The following MINK1 variants were observed in gnomAD, a reference collection of about 807,000 sequenced individuals.
MINK1 encodes the protein misshapen like kinase 1.
A neutral mutation model predicts 178.4 loss-of-function variants in MINK1; 46 were observed. The observed-to-expected ratio is 0.26, with a 90% CI of 0.20 to 0.33. The LOEUF (loss-of-function observed/expected upper bound fraction) is 0.33, where lower values mean the gene tolerates loss of function less well. MINK1 is among the 10% of genes least tolerant of loss of function. The pLI is 1.00. For synonymous variants in MINK1, 797 were observed against 709.7 expected (o/e 1.12, Z -1.96); for missense variants, 1,366 against 1,814.9 (o/e 0.75, Z 4.49).
intron 4 of MINK1, chr17:4,883,120 CAAA>C (rs778705532): frequency 8.8e-5 from 9 of 101,778 alleles, no homozygotes; most frequent in Non-Finnish European, 8.2e-5. Flanking sequence ...GACCCTGTCT[CAAA>C]AAAAAAAAAA....
chr17:4,835,354 C>T (rs746358117), intron 1 of MINK1, among the ~76,000 whole-genome samples: 23 of 152,106 alleles, frequency 1.5e-4, no homozygotes, highest in Non-Finnish European at 2.2e-4. Flanking sequence ...TCAGGCCGGG[C>T]GAGGTGCTCA....
Position 4,886,386 on chromosome 17 carries a change from C to T in MINK1, c.774-65C>T, listed in dbSNP as rs1968200317. 2 of 1,549,308 alleles carry T rather than the reference C, an allele frequency of 1.3e-6. No homozygotes were observed. Among genetic ancestry groups the T allele is most frequent in the African/African-American group, 1.4e-5 (1 of 73,768 alleles). On this transcript the variant is annotated intron_variant, in intron 9 of 31. Transcript: ENST00000355280. This position sits in a 1 kb window ranked among gnomAD's most constrained non-coding sequence, Gnocchi z 6.1. ...GGTGGCTTGTGGATGAATGATCCAC[C>T]CTCTTCCTCCTGCACCCATCCCTTC... is the stretch of plus-strand genomic sequence containing the variant.
In MINK1 at chr17:4,895,858, A is replaced by C. The variant is rs200720990; in HGVS notation, c.3364+26A>C. ...GTGAGGATGTCCCAACAGAGTGGCC[A>C]GCGCATACTTGTTCATGAAGAGAGA... On this transcript the variant is annotated intron_variant, in intron 27 of 31. Transcript: ENST00000355280. The surrounding 1 kb of genome is among the most constrained non-coding windows in gnomAD (Gnocchi z 4.3). The C allele has an allele frequency of 1.5e-3, 2,374 of 1,608,798 alleles. 5 individuals carry two copies. Among genetic ancestry groups the C allele is most frequent in the Non-Finnish European group, 1.4e-3 (1,647 of 1,176,498 alleles).
At chr17:4,888,382 C>T (rs1968420731) in intron 12 of MINK1, among the ~76,000 whole-genome samples, 1 of 152,074 alleles carries the variant, frequency 6.6e-6, no homozygotes, top group South Asian at 2.1e-4. Context: ...CGCCTGTAAT[C>T]CCAGCACTTT....
chr17:4,885,877 G>A lies in MINK1; in HGVS notation c.640-34G>A. ...AGAGGTTGCAGGGCAGAGTTGTCAG[G>A]AATATTCACTTGTTCCTTCTTTCCC... On this transcript the variant is annotated intron_variant, in intron 7 of 31. Coordinates refer to ENST00000355280, the MANE Select transcript of MINK1 (RefSeq NM_153827.5). The surrounding 1 kb of genome is among the most constrained non-coding windows in gnomAD (Gnocchi z 5.0). 6.2e-7 allele frequency: 1 copy of A among 1,610,738 alleles called. No individual in the cohort carries two copies. The highest frequency in any genetic ancestry group is 1.1e-5 in the South Asian group (1 of 91,002).
Position 4,878,390 on chromosome 17 carries a change from G to T in MINK1, c.123+8G>T, listed in dbSNP as rs370743044. The T allele has an allele frequency of 6.5e-7, 1 of 1,535,978 alleles. No homozygotes were observed. Among genetic ancestry groups the T allele is most frequent in the South Asian group, 1.2e-5 (1 of 83,998 alleles). On this transcript the variant is annotated splice_region_variant and intron_variant, in intron 2 of 31. Transcript: ENST00000355280. ...TACGGACAGGTGTACAAGGTGAGAC[G>T]AATGGTGTGGAAGTATGACCTCCAC...
Position 4,896,657 on chromosome 17 carries a change from T to G in MINK1, c.3776-17T>G, listed in dbSNP as rs568493207. ...CCCGGGGTGCAGCCTGCTCAGCCCC[T>G]CACCTGTTCCCCACAGCCTACATCT... On this transcript the variant is annotated splice_polypyrimidine_tract_variant and intron_variant, in intron 30 of 31. Coordinates refer to ENST00000355280, the MANE Select transcript of MINK1 (RefSeq NM_153827.5). This position sits in a 1 kb window ranked among gnomAD's most constrained non-coding sequence, Gnocchi z 4.6. 6.2e-7 allele frequency: 1 copy of G among 1,605,036 alleles called. No individual in the cohort carries two copies. Among genetic ancestry groups the G allele is most frequent in the Non-Finnish European group, 8.5e-7 (1 of 1,174,512 alleles).
intron 31 of MINK1, 104 bp from the exon 32 acceptor site, chr17:4,897,100 C>G: frequency 1.2e-5 from 12 of 1,012,836 alleles, no homozygotes; most frequent in Non-Finnish European, 1.8e-5. Context: ...GTCTCTGTGT[C>G]TCCCTCAACT....
At chr17:4,853,882 G>C (rs1912604090) in intron 1 of MINK1, among the ~76,000 whole-genome samples, 1 of 152,108 alleles carries the variant, frequency 6.6e-6, no homozygotes, top group Non-Finnish European at 1.5e-5. Flanking sequence ...TCCGCTGCCT[G>C]AAAGACTTTG....
At chr17:4,854,415 C>A (rs1165748865) in intron 1 of MINK1, among the ~76,000 whole-genome samples, 2 of 152,186 alleles carry the variant, frequency 1.3e-5, no homozygotes, top group African/African-American at 4.8e-5. Flanking sequence ...AGCAAAATTA[C>A]CCTTTGAGAG....
chr17:4,835,593 C>T (rs918340748), intron 1 of MINK1, among the ~76,000 whole-genome samples: 1 of 152,176 alleles, frequency 6.6e-6, no homozygotes, highest in Non-Finnish European at 1.5e-5. Flanking sequence ...CACCACTGCA[C>T]TCCAGCTTGG....
intron 31 of MINK1, 195 bp downstream of exon 31, chr17:4,897,008 G>A (rs1052623037): frequency 6.4e-6 from 6 of 930,598 alleles, no homozygotes; most frequent in East Asian, 2.7e-5. Context: ...CTGGCCCCCA[G>A]GGGGCGAGTG....
At position 4,896,391 on chromosome 17, in the gene MINK1, C is replaced by G; in HGVS notation, c.3616-38C>G. 6.2e-7 allele frequency: 1 copy of G among 1,609,330 alleles called. No homozygotes were observed. Among genetic ancestry groups the G allele is most frequent in the East Asian group, 2.2e-5 (1 of 44,836 alleles). ...GGAGTGGGATGGCCCAGTCTGGGCA[C>G]CAGACACGGAGACTCTAGTCCCCCT... is the stretch of plus-strand genomic sequence containing the variant. On this transcript the variant is annotated intron_variant, in intron 29 of 31. Transcript: ENST00000355280. The surrounding 1 kb of genome is among the most constrained non-coding windows in gnomAD (Gnocchi z 4.6).
Position 4,843,473 on chromosome 17 carries a change from G to A in MINK1, c.57+9833G>A, listed in dbSNP as rs143663734. ...AGCCTGGGCGACAGAACGAGACTCC[G>A]TCACAAAAAAAAAAGAAAGAAAAAG... On this transcript the variant is annotated intron_variant, in intron 1 of 31. Coordinates refer to ENST00000355280, the MANE Select transcript of MINK1 (RefSeq NM_153827.5). Among the ~76,000 whole-genome samples, 50 of 150,068 alleles carry A rather than the reference G, an allele frequency of 3.3e-4. No homozygotes were observed. In the East Asian group the frequency reaches 9.0e-3, roughly 27 times the overall value.
intron 1 of MINK1, among the ~76,000 whole-genome samples, chr17:4,866,800 G>T (rs965013483): frequency 6.6e-6 from 1 of 151,252 alleles, no homozygotes; most frequent in Non-Finnish European, 1.5e-5. Context: ...TCGATCGGGC[G>T]CGGTGGCTCA....
At chr17:4,889,891 T>C (rs1597553099) in intron 13 of MINK1, 128 bp downstream of exon 13, 1 of 681,284 alleles carries the variant, frequency 1.5e-6, no homozygotes, top group South Asian at 1.9e-5. Context: ...CTAGCTTCAC[T>C]CTTTCTCTCT....
chr17:4,833,564 C>T lies in MINK1; in HGVS notation c.-20C>T. ...AGCCGGAGCGTGAGCGGCCCCGGTG[C>T]CCCGTTCCCCACGGAGGCCATGGGC... is the stretch of plus-strand genomic sequence containing the variant. On this transcript the variant is annotated 5_prime_UTR_variant, in exon 1 of 32. Coordinates refer to ENST00000355280, the MANE Select transcript of MINK1 (RefSeq NM_153827.5). The surrounding 1 kb of genome is among the most constrained non-coding windows in gnomAD (Gnocchi z 4.8). The T allele has an allele frequency of 6.7e-7, 1 of 1,493,178 alleles. No individual in the cohort carries two copies. Among genetic ancestry groups the T allele is most frequent in the East Asian group, 2.9e-5 (1 of 34,840 alleles). 92.5% of individuals were successfully genotyped at this position (1,493,178 alleles called of 1,614,324 possible).
At chr17:4,847,812 G>A (rs535893254) in intron 1 of MINK1, among the ~76,000 whole-genome samples, 29 of 152,166 alleles carry the variant, frequency 1.9e-4, no homozygotes, top group African/African-American at 7.0e-4. Flanking sequence ...GAGATCTCAG[G>A]TTGGGCGCAG....
At position 4,895,104 on chromosome 17, in the gene MINK1, G is replaced by T; in HGVS notation, c.2947G>T (p.Asp983Tyr). Residue 983 changes from aspartate (D) to tyrosine (Y), a missense_variant, in exon 25 of 32, where the codon GAC (aspartate) becomes TAC (tyrosine). By Grantham distance (160) the Asp-to-Tyr change is radical. Around this residue, in one of 14 missense-constraint regions of MINK1, gnomAD observed 709 missense variants for 692.3 expected, o/e 1.02. Coordinates refer to ENST00000355280, the MANE Select transcript of MINK1 (RefSeq NM_153827.5). The surrounding 1 kb of genome is among the most constrained non-coding windows in gnomAD (Gnocchi z 4.3). ...AGTGGGTGGAGAGGGCACTCGGCTC[G>T]ACCAGCTGCAGTACGACGTGAGGAA... Reference protein sequence around the residue: ...ALVGGEGTRLDQLQYDVRKGS... With the variant: ...ALVGGEGTRLYQLQYDVRKGS... 1 of 1,613,552 alleles carries T rather than the reference G, an allele frequency of 6.2e-7. No individual in the cohort carries two copies.
Sources: allele counts gnomAD v4.1 joint callset (sites outside exome capture counted in the v4.1 genomes callset), GRCh38; gene constraint gnomAD v4.1.1; regional missense constraint gnomAD v4.1.1; non-coding constraint Gnocchi (gnomAD v3.1); transcripts MANE v1.5; gene names NCBI Gene and HGNC (gene_info 2026-07-23, HGNC 2026-07-21).